TCF4: variants seen among roughly 807,000 people sequenced by gnomAD.
TCF4 encodes transcription factor 4, also known as SL3-3 enhancer factor 2.
A neutral mutation model predicts 82.1 loss-of-function variants in TCF4; 3 were observed. That is an observed-to-expected ratio of 0.04 (90% confidence interval 0.02 to 0.09). TCF4 has a LOEUF of 0.09. Among genes scored for constraint, TCF4 ranks in the 10% least tolerant of loss-of-function variants. The pLI is 1.00. For missense variants in TCF4, 518 were observed against 852.7 expected (o/e 0.61, Z 4.89); for synonymous variants, 276 against 309.6 (o/e 0.89, Z 1.14).
chr18:55,299,451 C>CTTTT (rs113065305), intron 8 of TCF4, among the ~76,000 whole-genome samples: 1 of 116,816 alleles, frequency 8.6e-6, no homozygotes, highest in Admixed American at 8.5e-5. Flanking sequence ...CATGTTTCTG[C>CTTTT]TTTTTTTTTT....
intron 3 of TCF4, among the ~76,000 whole-genome samples, chr18:55,508,681 C>T (rs1360103938): frequency 6.6e-6 from 1 of 152,124 alleles, no homozygotes; most frequent in African/African-American, 2.4e-5. Flanking sequence ...CCATGCTTTC[C>T]AGCCCACCCT....
At chr18:55,536,705 CAAAT>C (rs1217247887) in intron 3 of TCF4, among the ~76,000 whole-genome samples, 1 of 152,156 alleles carries the variant, frequency 6.6e-6, no homozygotes, top group Non-Finnish European at 1.5e-5. Context: ...ATTCAACAAA[CAAAT>C]GTTTTAAAAT....
intron 3 of TCF4, among the ~76,000 whole-genome samples, chr18:55,577,457 AATC>A (rs2097540774): frequency 6.6e-6 from 1 of 151,912 alleles, no homozygotes; most frequent in Non-Finnish European, 1.5e-5. Context: ...TTCTAACCAT[AATC>A]ATTATCAATT....
At position 55,223,335 on chromosome 18, in the gene TCF4, T is replaced by C. The variant is rs964359007; in HGVS notation, c.*4700A>G. On this transcript the variant is annotated 3_prime_UTR_variant, in exon 20 of 20. Coordinates refer to ENST00000354452, the MANE Select transcript of TCF4 (RefSeq NM_001083962.2). ...TGATTTTTTTTGTATGTTTTGTTTG[T>C]TAAGCTGTCAATACCTCCAACACTT... is the stretch of plus-strand genomic sequence containing the variant. 6.6e-6 allele frequency: 1 copy of C among 152,610 alleles called. No homozygotes were observed. Among genetic ancestry groups the C allele is most frequent in the African/African-American group, 2.4e-5 (1 of 41,462 alleles). 9.5% of individuals were successfully genotyped at this position (152,610 alleles called of 1,614,324 possible).
intron 8 of TCF4, among the ~76,000 whole-genome samples, chr18:55,309,218 C>T (rs1423402173): frequency 1.3e-5 from 2 of 151,962 alleles, no homozygotes; most frequent in African/African-American, 2.4e-5. Context: ...GCTCAATGAT[C>T]CTCCTGCCTC....
At chr18:55,396,754 T>C (rs112246095) in intron 6 of TCF4, among the ~76,000 whole-genome samples, 135 of 152,340 alleles carry the variant, frequency 8.9e-4, no homozygotes, top group African/African-American at 3.1e-3. Flanking sequence ...ACTACTTTTC[T>C]TATCAATATA....
intron 5 of TCF4, among the ~76,000 whole-genome samples, chr18:55,414,566 TAAAG>T: frequency 6.6e-6 from 1 of 152,300 alleles, no homozygotes; most frequent in South Asian, 2.1e-4. Flanking sequence ...TAAATTATTA[TAAAG>T]ACTTTGATGG....
rs535166115 is a variant in TCF4 at position 55,222,655 on chromosome 18, G to A, written c.*5380C>T. The A allele has an allele frequency of 3.9e-5, 6 of 152,678 alleles. No individual in the cohort carries two copies. Among genetic ancestry groups the A allele is most frequent in the East Asian group, 3.9e-4 (2 of 5,188 alleles). 9.5% of individuals were successfully genotyped at this position (152,678 alleles called of 1,614,324 possible). ...TGATTAGAACATTCTGTTATGAAGC[G>A]CTCAGCTACCGCGGGCTTTCCTTTA... On this transcript the variant is annotated 3_prime_UTR_variant, in exon 20 of 20. Coordinates refer to ENST00000354452, the MANE Select transcript of TCF4 (RefSeq NM_001083962.2).
intron 1 of TCF4, among the ~76,000 whole-genome samples, chr18:55,635,434 G>A (rs893052925): frequency 3.3e-5 from 5 of 151,836 alleles, no homozygotes; most frequent in Non-Finnish European, 5.9e-5. Context: ...GCTAGAACCC[G>A]GGAGGCAGAG....
chr18:55,441,323 C>G (rs898425080), intron 5 of TCF4, among the ~76,000 whole-genome samples: 5 of 152,214 alleles, frequency 3.3e-5, no homozygotes, highest in Non-Finnish European at 7.3e-5. Flanking sequence ...TCAGATAAAA[C>G]TTAATCAACA....
At chr18:55,396,107 G>T (rs2093474484) in intron 6 of TCF4, among the ~76,000 whole-genome samples, 2 of 152,118 alleles carry the variant, frequency 1.3e-5, no homozygotes, top group South Asian at 4.2e-4. Context: ...ACCAGACAGG[G>T]TTTTCTAGAT....
At chr18:55,258,259 G>A (rs529444288) in intron 13 of TCF4, among the ~76,000 whole-genome samples, 4 of 152,202 alleles carry the variant, frequency 2.6e-5, no homozygotes, top group African/African-American at 4.8e-5. Flanking sequence ...GGACAGAGCC[G>A]TCGGTGTGAA....
At chr18:55,532,560 G>A (rs547948106) in intron 3 of TCF4, among the ~76,000 whole-genome samples, 8 of 152,296 alleles carry the variant, frequency 5.3e-5, no homozygotes, top group African/African-American at 1.9e-4. Context: ...ACAAAGATGT[G>A]TCCTATTCTC....
At chr18:55,453,410 A>G (rs1299689979) in intron 5 of TCF4, among the ~76,000 whole-genome samples, 3 of 152,232 alleles carry the variant, frequency 2.0e-5, no homozygotes, top group Admixed American at 2.0e-4. Flanking sequence ...TCGAAGCAAA[A>G]GCATTCCTAC....
At chr18:55,278,027 A>C (rs1002099410) in intron 9 of TCF4, among the ~76,000 whole-genome samples, 2 of 152,186 alleles carry the variant, frequency 1.3e-5, no homozygotes, top group Non-Finnish European at 2.9e-5. Context: ...GACTTCTGAC[A>C]CACGGGCTCT....
chr18:55,586,727 A>AAGTTTTAGGGGTGGTTT (rs2097653226), intron 2 of TCF4, among the ~76,000 whole-genome samples: 1 of 152,090 alleles, frequency 6.6e-6, no homozygotes, highest in Admixed American at 6.5e-5. Context: ...AGACATGGCC[A>AAGTTTTAGGGGTGGTTT]AGTTTTAGGG....
At position 55,461,057 on chromosome 18, in the gene TCF4, T is replaced by A; in HGVS notation, c.266A>T (p.Asp89Val). 2 of 1,613,444 alleles carry A rather than the reference T, an allele frequency of 1.2e-6. No individual in the cohort carries two copies. The highest frequency in any genetic ancestry group is 1.7e-6 in the Non-Finnish European group (2 of 1,179,574). ...ATTGACAAAAGGTGGAGAGAGATTG[T>A]CATGTGACCCAAGGTCCCTGCTGGT... ...HMTSRDLGSH[D>V]NLSPPFVNSR... Residue 89 changes from aspartate to valine, a missense_variant, in exon 5 of 20, where the codon GAC (aspartate) becomes GTC (valine). Around this residue, in one of 7 missense-constraint regions of TCF4, gnomAD observed 80 missense variants for 93.8 expected, o/e 0.85. Transcript: ENST00000354452.
chr18:55,606,757 TCTC>T (rs1433237589), intron 2 of TCF4, among the ~76,000 whole-genome samples: 1 of 152,222 alleles, frequency 6.6e-6, no homozygotes, highest in African/African-American at 2.4e-5. Flanking sequence ...TAATACTTGT[TCTC>T]CTGGTGACAA....
intron 5 of TCF4, among the ~76,000 whole-genome samples, chr18:55,439,343 C>G (rs1323447690): frequency 6.6e-6 from 1 of 152,172 alleles, no homozygotes; most frequent in Non-Finnish European, 1.5e-5. Flanking sequence ...ACTGAGCCAG[C>G]AACAAAGGAG....
Sources: gnomAD v4.1 joint callset for allele counts (sites outside exome capture counted in the v4.1 genomes callset) on GRCh38, gnomAD v4.1.1 for gene constraint, gnomAD v4.1.1 regional missense constraint, MANE v1.5 for transcripts, NCBI Gene and HGNC (gene_info 2026-07-23, HGNC 2026-07-21) for gene names.